Variants in LEPROTL1 observed in about 807,000 individuals in gnomAD.
LEPROTL1 encodes leptin receptor overlapping transcript like 1.
Under a neutral mutation model 15.4 loss-of-function variants are expected in LEPROTL1, and 6 were observed. The observed-to-expected ratio is 0.39, with a 90% confidence interval of 0.21 to 0.77. LEPROTL1 has a LOEUF of 0.77. Among genes scored for constraint, LEPROTL1 ranks in the 30% least tolerant of loss-of-function variants. The pLI, the probability that LEPROTL1 is intolerant of heterozygous loss-of-function variation, is 0.41. For missense variants in LEPROTL1, 128 were observed against 158.1 expected (o/e 0.81, Z 1.02); for synonymous variants, 56 against 52.6 (o/e 1.06, Z -0.28).
rs202112539 is a variant in LEPROTL1, at chr8:30,101,965, A to G, written c.84A>G (p.Pro28=). The G allele has an allele frequency of 2.8e-5, 45 of 1,598,094 alleles. No homozygotes were observed. Among genetic ancestry groups the G allele is most frequent in the Non-Finnish European group, 5.1e-6 (6 of 1,167,374 alleles). ...TTTTGATGCTTGGATGTGCCCTTCC[A>G]ATATACAAGTATGTAAAATGTTTGT... ...LMFLMLGCAL[P]IYNKYWPLFV... Residue 28 remains proline, a synonymous_variant, in exon 2 of 4, where the codon CCA becomes CCG. Transcript: ENST00000321250.
At chr8:30,111,425 G>A (rs1381917060), downstream of LEPROTL1, among the ~76,000 whole-genome samples, 1 of 152,150 alleles carries the variant, frequency 6.6e-6, no homozygotes, top group Non-Finnish European at 1.5e-5. Flanking sequence ...TAAAAACCCA[G>A]ATGCTAAGAA....
At chr8:30,116,545 G>A (rs1291664957) in intron 3 of LEPROTL1, among the ~76,000 whole-genome samples, 1 of 152,034 alleles carries the variant, frequency 6.6e-6, no homozygotes, top group African/African-American at 2.4e-5. Context: ...TGGAGCTCAG[G>A]TAGTAATGCT....
chr8:30,108,818 T>C (rs1040403750), downstream of LEPROTL1, among the ~76,000 whole-genome samples: 1 of 152,104 alleles, frequency 6.6e-6, no homozygotes, highest in Admixed American at 6.6e-5. Context: ...TGTAGAAACA[T>C]GGTTTTGCCA....
At chr8:30,123,594 G>A (rs766808577) in intron 3 of LEPROTL1, among the ~76,000 whole-genome samples, 11 of 151,954 alleles carry the variant, frequency 7.2e-5, no homozygotes, top group Non-Finnish European at 1.0e-4. Context: ...CCTCTGTTTC[G>A]CTCCGTCTCT....
At chr8:30,124,144 T>G (rs1802874495) in intron 3 of LEPROTL1, among the ~76,000 whole-genome samples, 1 of 152,140 alleles carries the variant, frequency 6.6e-6, no homozygotes, top group South Asian at 2.1e-4. Context: ...CATGTAATAT[T>G]CATCACACAG....
exon 4 of LEPROTL1, chr8:30,132,400 T>C (rs1160613128): frequency 1.3e-6 from 2 of 1,551,750 alleles, no homozygotes; most frequent in Admixed American, 2.0e-5. Flanking sequence ...ATCGGGGACA[T>C]ATCCCTCCTC....
At chr8:30,111,617 T>C (rs759953185), downstream of LEPROTL1, among the ~76,000 whole-genome samples, 2 of 152,218 alleles carry the variant, frequency 1.3e-5, no homozygotes, top group Non-Finnish European at 2.9e-5. Flanking sequence ...CAGGAAAATC[T>C]TGGAGCACAG....
chr8:30,118,103 C>T (rs1156888015), intron 3 of LEPROTL1, among the ~76,000 whole-genome samples: 1 of 141,378 alleles, frequency 7.1e-6, no homozygotes, highest in African/African-American at 2.6e-5. Context: ...TGGCTCACTG[C>T]AACCTCTGCC....
At chr8:30,116,423 C>G (rs906943414) in intron 3 of LEPROTL1, among the ~76,000 whole-genome samples, 1 of 152,160 alleles carries the variant, frequency 6.6e-6, no homozygotes, top group African/African-American at 2.4e-5. Context: ...CTCAGATCAT[C>G]AGGCATTAGA....
rs542036963 is a variant in LEPROTL1 at position 30,127,607 on chromosome 8, T to C, written c.280-4768T>C. The stretch of plus-strand genomic sequence containing the variant: ...TCGCTTGAGCCCAGGAGTTCAATGC[T>C]GAAGTGAGCTATGATTGTGCCACTG... On this transcript the variant is annotated intron_variant, in intron 3 of 4. Coordinates refer to the LEPROTL1 transcript ENST00000442880. 2.7e-4 allele frequency among the ~76,000 whole-genome samples: 41 copies of C among 149,940 alleles called. 1 individual carries two copies. Among genetic ancestry groups the C allele is most frequent in the Non-Finnish European group, 5.2e-4 (35 of 67,754 alleles).
intron 1 of LEPROTL1, among the ~76,000 whole-genome samples, chr8:30,096,761 A>G (rs1802373978): frequency 6.6e-6 from 1 of 152,198 alleles, no homozygotes; most frequent in Non-Finnish European, 1.5e-5. Context: ...CTCCAGACCT[A>G]GGGAAATACT....
chr8:30,103,141 C>A (rs1300915533), intron 2 of LEPROTL1, among the ~76,000 whole-genome samples: 1 of 152,038 alleles, frequency 6.6e-6, no homozygotes, highest in African/African-American at 2.4e-5. Flanking sequence ...TCCTAAATGT[C>A]CTTCAAAAGA....
intron 1 of LEPROTL1, 117 bp downstream of exon 1, chr8:30,095,645 C>T: frequency 1.1e-6 from 1 of 904,966 alleles, no homozygotes; most frequent in Non-Finnish European, 1.5e-6. Flanking sequence ...GGGGTCCCTG[C>T]GCCGGGGAAG....
chr8:30,105,927 G>A lies in LEPROTL1; in HGVS notation c.*65G>A. ...ATTTGTTGGCCATTCACGCACACAG[G>A]AGATGGGGCAGTTAATGCTGAATGG... On this transcript the variant is annotated 3_prime_UTR_variant, in exon 4 of 4. Transcript: ENST00000321250. The A allele has an allele frequency of 7.1e-7, 1 of 1,411,082 alleles. No homozygotes were observed. Among genetic ancestry groups the A allele is most frequent in the Non-Finnish European group, 9.3e-7 (1 of 1,073,090 alleles). The allele number at this position is 1,411,082 out of a possible 1,614,324, so 87.4% of individuals were successfully genotyped here.
chr8:30,108,944 T>C (rs1802614522), downstream of LEPROTL1, among the ~76,000 whole-genome samples: 1 of 152,106 alleles, frequency 6.6e-6, no homozygotes, highest in South Asian at 2.1e-4. Flanking sequence ...TTCGTATTTT[T>C]TGTAGAGATG....
chr8:30,114,614 C>T (rs931218626), intron 3 of LEPROTL1, among the ~76,000 whole-genome samples: 3 of 152,160 alleles, frequency 2.0e-5, no homozygotes, highest in Non-Finnish European at 4.4e-5. Flanking sequence ...GGTTACCCAC[C>T]TAGAACCCTG....
Position 30,104,261 on chromosome 8 carries a change from C to CA in LEPROTL1, c.93-38dup, listed in dbSNP as rs536520451. On this transcript the variant is annotated intron_variant, in intron 2 of 3. Transcript: ENST00000321250. Reference sequence around the variant, plus strand: ...CCATATTTTGTGTGTAGGAAAATGACATAGCAAAAATTACATTAACTTATT... The same window carrying CA: ...CCATATTTTGTGTGTAGGAAAATGACAATAGCAAAAATTACATTAACTTATT... 13 of 1,265,536 alleles carry CA rather than the reference C, an allele frequency of 1.0e-5. No homozygotes were observed. The South Asian group carries it at 2.2e-4, about 22-fold the overall frequency. 78.4% of individuals were successfully genotyped at this position (1,265,536 alleles called of 1,614,324 possible). A position where few individuals can be genotyped will look rare whatever the true frequency, so the allele number is the denominator to read the frequency against.
intron 3 of LEPROTL1, among the ~76,000 whole-genome samples, chr8:30,130,576 G>T (rs1056368695): frequency 1.3e-5 from 2 of 152,088 alleles, no homozygotes; most frequent in African/African-American, 4.8e-5. Context: ...AAGAAAAAAA[G>T]AATCAAACCC....
At chr8:30,102,484 C>T (rs1802484401) in intron 2 of LEPROTL1, among the ~76,000 whole-genome samples, 1 of 151,912 alleles carries the variant, frequency 6.6e-6, no homozygotes, top group Non-Finnish European at 1.5e-5. Context: ...AACCCCATCT[C>T]TACTAAAAAT....
Sources: allele counts gnomAD v4.1 joint callset (sites outside exome capture counted in the v4.1 genomes callset), GRCh38; gene constraint gnomAD v4.1.1; transcripts MANE v1.5; gene names NCBI Gene and HGNC (gene_info 2026-07-23, HGNC 2026-07-21).